ANO6: variants seen among roughly 807,000 people sequenced by gnomAD.
ANO6 encodes the protein anoctamin-6.
ANO6 carries 106 observed loss-of-function variants against 117.5 expected under a neutral mutation model. The observed-to-expected ratio is 0.90, with a 90% CI of 0.77 to 1.06. The LOEUF is 1.06. Ranked by LOEUF, ANO6 falls within the 50% of genes least tolerant of loss-of-function variation. The pLI is 0.00. For synonymous variants in ANO6, 367 were observed against 385.1 expected (o/e 0.95, Z 0.55); for missense variants, 955 against 1,121.1 (o/e 0.85, Z 2.12).
At position 45,432,104 on chromosome 12, in the gene ANO6, G is replaced by GAAAC. The variant is rs1185423976; in HGVS notation, c.*2795_*2798dup. The GAAAC allele has an allele frequency of 4.1e-6, 4 of 985,202 alleles. No homozygotes were observed. Among genetic ancestry groups the GAAAC allele is most frequent in the Non-Finnish European group, 4.8e-6 (4 of 829,920 alleles). The allele number at this position is 985,202 out of a possible 1,614,324, so 61.0% of individuals were successfully genotyped here. On this transcript the variant is annotated 3_prime_UTR_variant, in exon 20 of 20. Coordinates refer to ENST00000320560, the MANE Select transcript of ANO6 (RefSeq NM_001025356.3). ...ATGGGGGTCAGAATGTACTCTTGTT[G>GAAAC]AAACACTTCTTGTACCATTTTATGT...
intron 18 of ANO6, among the ~76,000 whole-genome samples, chr12:45,422,183 T>G (rs756656659): frequency 3.9e-5 from 6 of 152,188 alleles, no homozygotes; most frequent in Non-Finnish European, 8.8e-5. Context: ...CTGAGGAAGA[T>G]ACACTAACAG....
At chr12:45,251,560 A>T (rs971334374) in intron 1 of ANO6, among the ~76,000 whole-genome samples, 1 of 152,070 alleles carries the variant, frequency 6.6e-6, no homozygotes, top group African/African-American at 2.4e-5. Flanking sequence ...CAGCCCCTGT[A>T]GTGGGACTTA....
chr12:45,344,345 C>T, intron 3 of ANO6, among the ~76,000 whole-genome samples: 1 of 152,154 alleles, frequency 6.6e-6, no homozygotes, highest in East Asian at 1.9e-4. Context: ...TATTAGTTGT[C>T]ACATTGCTAT....
At chr12:45,341,766 G>A (rs1236359576) in intron 3 of ANO6, among the ~76,000 whole-genome samples, 1 of 152,176 alleles carries the variant, frequency 6.6e-6, no homozygotes, top group Non-Finnish European at 1.5e-5. Flanking sequence ...TGTAGAGGCA[G>A]AGTGAGTGGG....
chr12:45,374,930 G>A (rs1370340412), intron 9 of ANO6, among the ~76,000 whole-genome samples: 34 of 151,958 alleles, frequency 2.2e-4, no homozygotes, highest in Middle Eastern at 3.4e-3. Context: ...GTTTGCAGAC[G>A]ACATGATTGT....
At chr12:45,254,951 AT>A (rs1276809710) in intron 1 of ANO6, among the ~76,000 whole-genome samples, 1 of 152,194 alleles carries the variant, frequency 6.6e-6, no homozygotes, top group Non-Finnish European at 1.5e-5. Context: ...TTGATTCAAA[AT>A]TTTAACTCAT....
intron 9 of ANO6, among the ~76,000 whole-genome samples, chr12:45,374,288 G>T (rs1408853319): frequency 1.2e-5 from 1 of 80,396 alleles, no homozygotes; most frequent in Non-Finnish European, 2.5e-5. Flanking sequence ...GGAGGAACTG[G>T]TACCATTCCT....
intron 3 of ANO6, among the ~76,000 whole-genome samples, chr12:45,339,855 T>A (rs1290989008): frequency 1.3e-5 from 2 of 152,126 alleles, no homozygotes; most frequent in Non-Finnish European, 2.9e-5. Flanking sequence ...GACAGCACCA[T>A]CAATACTTTG....
At chr12:45,319,054 T>C (rs552766218) in intron 2 of ANO6, among the ~76,000 whole-genome samples, 9 of 152,326 alleles carry the variant, frequency 5.9e-5, no homozygotes, top group Non-Finnish European at 1.3e-4. Context: ...AATCATGTCA[T>C]CTGCAAACAG....
intron 2 of ANO6, among the ~76,000 whole-genome samples, chr12:45,326,715 A>G (rs1268532217): frequency 6.6e-6 from 1 of 152,150 alleles, no homozygotes; most frequent in African/African-American, 2.4e-5. Context: ...TTTCATGACC[A>G]CAACCCCAGA....
In ANO6 at chr12:45,331,349, A is replaced by G; in HGVS notation, c.205A>G (p.Ile69Val). ...SLFFNDGQRR[I>V]DFVLVYEDES... ...CTTTTTTAATGATGGCCAGCGAAGAATTGACTTTGTTCTAGTATATGAGGA... is the reference window on the plus strand; with the variant it reads ...CTTTTTTAATGATGGCCAGCGAAGAGTTGACTTTGTTCTAGTATATGAGGA... The change falls in exon 3 of 20, where the codon ATT (isoleucine) becomes GTT (valine). Residue 69 changes from isoleucine to valine, a missense_variant. By Grantham distance (29) the Ile-to-Val change is conservative. Coordinates refer to ENST00000320560, the MANE Select transcript of ANO6 (RefSeq NM_001025356.3). 6.2e-7 allele frequency: 1 copy of G among 1,610,520 alleles called. No individual in the cohort carries two copies. Among genetic ancestry groups the G allele is most frequent in the African/African-American group, 1.3e-5 (1 of 74,902 alleles).
At chr12:45,363,332 A>G (rs1941603219) in intron 8 of ANO6, among the ~76,000 whole-genome samples, 1 of 152,102 alleles carries the variant, frequency 6.6e-6, no homozygotes, top group African/African-American at 2.4e-5. Flanking sequence ...TGGGAGGCTG[A>G]GGGTGGCAGA....
intron 1 of ANO6, among the ~76,000 whole-genome samples, chr12:45,229,390 G>GTT (rs11422062): frequency 0.04 from 5,062 of 127,280 alleles, 266 homozygotes; most frequent in African/African-American, 0.044. Context: ...TTTATTTTTA[G>GTT]TTTTTTTTTT....
chr12:45,402,079 A>T, intron 13 of ANO6, 59 bp downstream of exon 13: 2 of 1,430,778 alleles, frequency 1.4e-6, no homozygotes, highest in South Asian at 2.3e-5. Flanking sequence ...TGCCAAAAAT[A>T]GAGACTGTTA....
At chr12:45,272,750 A>G (rs1938431864) in intron 1 of ANO6, among the ~76,000 whole-genome samples, 1 of 152,210 alleles carries the variant, frequency 6.6e-6, no homozygotes, top group Admixed American at 6.5e-5. Context: ...TGAAGATTCT[A>G]AAAACAAAAA....
downstream of ANO6, among the ~76,000 whole-genome samples, chr12:45,437,151 G>A (rs1260587467): frequency 6.6e-6 from 1 of 152,186 alleles, no homozygotes; most frequent in Non-Finnish European, 1.5e-5. Flanking sequence ...ATTCCCCTGG[G>A]AGGGTCTAAG....
intron 19 of ANO6, among the ~76,000 whole-genome samples, chr12:45,423,752 A>C (rs1943424622): frequency 6.6e-6 from 1 of 152,174 alleles, no homozygotes; most frequent in South Asian, 2.1e-4. Context: ...TGTCCCCTTT[A>C]TGGCTGCTGA....
intron 1 of ANO6, chr12:45,292,852 A>C (rs1219754367): frequency 1.3e-6 from 2 of 1,545,966 alleles, no homozygotes; most frequent in Non-Finnish European, 1.7e-6. Context: ...CTTAAGGTAG[A>C]GGTAGGAGGG....
chr12:45,318,616 T>G (rs1940137986), intron 2 of ANO6, among the ~76,000 whole-genome samples: 1 of 152,206 alleles, frequency 6.6e-6, no homozygotes, highest in African/African-American at 2.4e-5. Context: ...GGCTTTTTTT[T>G]GGTTCCATAT....
Sources: allele counts gnomAD v4.1 joint callset (sites outside exome capture counted in the v4.1 genomes callset), GRCh38; gene constraint gnomAD v4.1.1; transcripts MANE v1.5; gene names NCBI Gene and HGNC (gene_info 2026-07-23, HGNC 2026-07-21).